The following CNTNAP2 variants were observed in gnomAD, a reference collection of about 807,000 sequenced individuals.
CNTNAP2 encodes the protein contactin associated protein 2, also known as contactin-associated protein-like 2.
Under a neutral mutation model 155.2 loss-of-function variants are expected in CNTNAP2, and 98 were observed. The observed-to-expected ratio is 0.63, with a 90% confidence interval of 0.54 to 0.75. The LOEUF is 0.75. Among genes scored for constraint, CNTNAP2 ranks in the 30% least tolerant of loss-of-function variants. The pLI is 0.00. For synonymous variants in CNTNAP2, 651 were observed against 631.2 expected (o/e 1.03, Z -0.47); for missense variants, 1,727 against 1,688.1 (o/e 1.02, Z -0.40).
intron 9 of CNTNAP2, among the ~76,000 whole-genome samples, chr7:147,331,310 G>T (rs369848094): frequency 6.6e-6 from 1 of 152,054 alleles, no homozygotes; most frequent in Non-Finnish European, 1.5e-5. Context: ...CTAGTAGAAC[G>T]GTTCTATCAC....
In CNTNAP2 at chr7:147,639,251, C is replaced by T. The variant is rs779865638; in HGVS notation, c.2043C>T (p.Tyr681=). 2 of 1,614,132 alleles carry T rather than the reference C, an allele frequency of 1.2e-6. No individual in the cohort carries two copies. The highest frequency in any genetic ancestry group is 1.7e-5 in the Admixed American group (1 of 60,016). The change falls in exon 13 of 24, where the codon TAC becomes TAT. Residue 681 remains tyrosine (Y), a synonymous_variant. Transcript: ENST00000361727. ...QISAITDSAE[Y]CEQYVSYFCK... is the part of the protein sequence containing the mutation. ...GTGCCATCACTGACAGTGCCGAGTA[C>T]TGCGAGCAGTATGTCTCCTATTTCT... is the stretch of plus-strand genomic sequence containing the variant.
At chr7:146,661,419 C>G (rs947823238) in intron 1 of CNTNAP2, among the ~76,000 whole-genome samples, 1 of 152,008 alleles carries the variant, frequency 6.6e-6, no homozygotes, top group African/African-American at 2.4e-5. Flanking sequence ...CCCCATGCTC[C>G]GATGTAATCA....
intron 12 of CNTNAP2, among the ~76,000 whole-genome samples, chr7:147,570,851 A>G (rs1225106576): frequency 6.6e-6 from 1 of 152,202 alleles, no homozygotes; most frequent in Non-Finnish European, 1.5e-5. Flanking sequence ...TCACACATAT[A>G]TAGGAACAGC....
At chr7:146,353,239 C>T (rs1478860449) in intron 1 of CNTNAP2, among the ~76,000 whole-genome samples, 1 of 152,204 alleles carries the variant, frequency 6.6e-6, no homozygotes, top group Non-Finnish European at 1.5e-5. Flanking sequence ...CTCACTGAGT[C>T]TCATGCTTAG....
At chr7:146,356,036 G>T (rs1434779327) in intron 1 of CNTNAP2, among the ~76,000 whole-genome samples, 2 of 146,162 alleles carry the variant, frequency 1.4e-5, no homozygotes, top group Non-Finnish European at 3.0e-5. Flanking sequence ...AAACATATAT[G>T]AAGTATACAT....
intron 8 of CNTNAP2, among the ~76,000 whole-genome samples, chr7:147,223,847 A>T (rs183596170): frequency 6.6e-6 from 1 of 151,720 alleles, no homozygotes; most frequent in African/African-American, 2.4e-5. Flanking sequence ...AGGCCAAGGC[A>T]GAAGAATCGC....
chr7:147,392,108 T>C (rs1796729130), intron 9 of CNTNAP2, among the ~76,000 whole-genome samples: 1 of 152,110 alleles, frequency 6.6e-6, no homozygotes, highest in Admixed American at 6.6e-5. Flanking sequence ...GAAACAATGT[T>C]GCTAAACTTT....
chr7:147,337,275 T>C (rs1795680664), intron 9 of CNTNAP2, among the ~76,000 whole-genome samples: 1 of 152,064 alleles, frequency 6.6e-6, no homozygotes, highest in African/African-American at 2.4e-5. Context: ...GTCTCATCTG[T>C]GCATATTCTG....
chr7:148,316,503 G>T (rs1313377750), intron 21 of CNTNAP2, among the ~76,000 whole-genome samples: 4 of 152,168 alleles, frequency 2.6e-5, no homozygotes, highest in African/African-American at 9.7e-5. Flanking sequence ...GGTGCCTAAT[G>T]GGGATGTGAG....
chr7:148,357,092 C>A (rs1356987787), intron 21 of CNTNAP2, among the ~76,000 whole-genome samples: 1 of 152,140 alleles, frequency 6.6e-6, no homozygotes, highest in Non-Finnish European at 1.5e-5. Context: ...CCACCCAAAT[C>A]TCATCTTGAA....
chr7:148,058,174 A>G (rs6971184), intron 15 of CNTNAP2, among the ~76,000 whole-genome samples: 31,871 of 151,938 alleles, frequency 0.21, 3,738 homozygotes, highest in South Asian at 0.39. Context: ...AAGAGAGAGC[A>G]TGGTGTTCAA....
chr7:146,591,560 A>G (rs1798784106), intron 1 of CNTNAP2, among the ~76,000 whole-genome samples: 1 of 152,226 alleles, frequency 6.6e-6, no homozygotes, highest in African/African-American at 2.4e-5. Flanking sequence ...AGGAGACTGT[A>G]GAGCAGTTAG....
At chr7:147,326,741 A>G (rs1373374246) in intron 9 of CNTNAP2, among the ~76,000 whole-genome samples, 1 of 152,180 alleles carries the variant, frequency 6.6e-6, no homozygotes, top group African/African-American at 2.4e-5. Flanking sequence ...CAGCTCTTCT[A>G]GTGGGTGTGA....
intron 13 of CNTNAP2, chr7:147,831,924 A>G (rs1466064271): frequency 6.6e-6 from 1 of 152,090 alleles, no homozygotes; most frequent in Non-Finnish European, 1.5e-5. Flanking sequence ...CCAATTTTCC[A>G]TGATGTGACT....
intron 8 of CNTNAP2, among the ~76,000 whole-genome samples, chr7:147,132,952 A>G (rs1801406977): frequency 6.6e-6 from 1 of 152,160 alleles, no homozygotes; most frequent in East Asian, 1.9e-4. Flanking sequence ...TGCTGGAATC[A>G]GAACTTCAAA....
At chr7:148,124,999 A>C (rs1201408452) in intron 16 of CNTNAP2, among the ~76,000 whole-genome samples, 2 of 152,188 alleles carry the variant, frequency 1.3e-5, no homozygotes, top group South Asian at 2.1e-4. Context: ...GGCGTTTGGG[A>C]AACTACAAGC....
intron 12 of CNTNAP2, among the ~76,000 whole-genome samples, chr7:147,631,819 T>TA (rs377588521): frequency 1.3e-5 from 2 of 152,160 alleles, no homozygotes; most frequent in Non-Finnish European, 2.9e-5. Flanking sequence ...TTAACTTATG[T>TA]AAAAAATCAA....
At chr7:147,296,577 A>T (rs1805450520) in intron 8 of CNTNAP2, among the ~76,000 whole-genome samples, 1 of 152,238 alleles carries the variant, frequency 6.6e-6, no homozygotes, top group African/African-American at 2.4e-5. Context: ...GGATTAAATG[A>T]CTTAAGATAT....
intron 1 of CNTNAP2, among the ~76,000 whole-genome samples, chr7:146,222,232 C>T (rs1799218359): frequency 6.6e-6 from 1 of 152,164 alleles, no homozygotes; most frequent in African/African-American, 2.4e-5. Flanking sequence ...GAAACACAAG[C>T]CACTGCCCTC....
Sources: allele counts gnomAD v4.1 joint callset (sites outside exome capture counted in the v4.1 genomes callset), GRCh38; gene constraint gnomAD v4.1.1; transcripts MANE v1.5; gene names NCBI Gene and HGNC (gene_info 2026-07-23, HGNC 2026-07-21).